Variants in C4orf36 observed in about 807,000 individuals in gnomAD.
C4orf36 encodes the protein uncharacterized protein C4orf36.
A neutral mutation model predicts 12.2 loss-of-function variants in C4orf36; 11 were observed. The ratio of observed to expected loss-of-function variants is 0.90; its 90% CI spans 0.57 to 1.49. The LOEUF (loss-of-function observed/expected upper bound fraction) is 1.49. Among genes scored for constraint, C4orf36 ranks in the 40% most tolerant of loss-of-function variants. C4orf36 has a pLI of 0.00. For missense variants in C4orf36, 137 were observed against 133.9 expected (o/e 1.02, Z -0.11); for synonymous variants, 54 against 51.3 (o/e 1.05, Z -0.22).
In C4orf36 at chr4:86,884,621, G is replaced by A. The variant is rs539690355; in HGVS notation, c.*2+3137C>T. Among the ~76,000 whole-genome samples the A allele has an allele frequency of 1.3e-4, 20 of 152,012 alleles. No homozygotes were observed. In the South Asian group the frequency reaches 4.2e-3, roughly 32 times the overall value. ...ACCCCCAGCCTGACAATTTTTTTTA[G>A]GAGAACAAAAACAAAGTGAGTTCTA... On this transcript the variant is annotated intron_variant, in intron 4 of 4. Transcript: ENST00000295898.
At chr4:86,917,484 AAG>A in the C4orf36 span, among the ~76,000 whole-genome samples, 13 of 141,708 alleles carry the variant, frequency 9.2e-5, no homozygotes, top group Admixed American at 7.4e-4. Context: ...AATAAAGAAA[AAG>A]AAAGGGAGAG....
chr4:86,885,298 A>G (rs1367257574), intron 4 of C4orf36, among the ~76,000 whole-genome samples: 1 of 152,034 alleles, frequency 6.6e-6, no homozygotes, highest in Non-Finnish European at 1.5e-5. Flanking sequence ...CAGTATGGCC[A>G]TTTTCACGAT....
chr4:86,879,332 G>A (rs1283150086), intron 4 of C4orf36, among the ~76,000 whole-genome samples: 1 of 152,130 alleles, frequency 6.6e-6, no homozygotes, highest in Admixed American at 6.5e-5. Context: ...TGTACAAAAT[G>A]AGAATATCAA....
In C4orf36 at chr4:86,892,298, C is replaced by T; in HGVS notation, c.-189G>A. On this transcript the variant is annotated 5_prime_UTR_variant, in exon 1 of 5. Coordinates refer to ENST00000295898, the MANE Select transcript of C4orf36 (RefSeq NM_144645.4). The stretch of plus-strand genomic sequence containing the variant: ...CCTGGTTACCCGGGCTCCAGGGGCT[C>T]GGAGGGTCGCGGCCGGGGTACTGAG... 1.0e-6 allele frequency: 1 copy of T among 985,716 alleles called. No individual in the cohort carries two copies. Among genetic ancestry groups the T allele is most frequent in the Non-Finnish European group, 1.2e-6 (1 of 830,160 alleles). 61.1% of individuals were successfully genotyped at this position (985,716 alleles called of 1,614,324 possible).
chr4:86,891,667 C>A (rs1747422025), intron 1 of C4orf36, 74 bp from the exon 2 acceptor site: 1 of 1,329,244 alleles, frequency 7.5e-7, no homozygotes, highest in Non-Finnish European at 1.0e-6. Flanking sequence ...GAAAAAAATT[C>A]TGAATGTCAG....
chr4:86,918,237 G>T, the C4orf36 span, among the ~76,000 whole-genome samples: 10 of 152,090 alleles, frequency 6.6e-5, no homozygotes, highest in African/African-American at 2.2e-4. Context: ...TATGAATTTT[G>T]GGGGGGACAT....
the C4orf36 span, among the ~76,000 whole-genome samples, chr4:86,901,305 A>G: frequency 1.3e-5 from 2 of 151,758 alleles, no homozygotes; most frequent in Admixed American, 6.6e-5. Flanking sequence ...TCATTCAGAG[A>G]AAACAACCGA....
Position 86,891,535 on chromosome 4 carries a change from G to A in C4orf36, c.-15C>T, listed in dbSNP as rs80106613. 1.2e-3 allele frequency: 1,998 copies of A among 1,613,730 alleles called. 23 individuals carry two copies. The African/African-American group carries it at 0.023, about 19-fold the overall frequency. On this transcript the variant is annotated 5_prime_UTR_variant, in exon 2 of 5. Transcript: ENST00000295898. ...CCATACGCCATGGTGAGTTATTACG[G>A]TATGATTTCGTTACATAGGTGCCTG...
At chr4:86,910,905 G>T in the C4orf36 span, among the ~76,000 whole-genome samples, 1 of 151,078 alleles carries the variant, frequency 6.6e-6, no homozygotes, top group African/African-American at 2.4e-5. Flanking sequence ...CTGTACTAAA[G>T]ATACAAAAAA....
intron 4 of C4orf36, among the ~76,000 whole-genome samples, chr4:86,884,537 C>T (rs1322687321): frequency 6.6e-6 from 1 of 151,830 alleles, no homozygotes; most frequent in Non-Finnish European, 1.5e-5. Context: ...ACTCCTGGGC[C>T]CAAGCGAGTC....
the C4orf36 span, among the ~76,000 whole-genome samples, chr4:86,918,042 T>C: frequency 6.6e-6 from 1 of 152,130 alleles, no homozygotes; most frequent in African/African-American, 2.4e-5. Flanking sequence ...AGATGTCTCT[T>C]CTGGATAGAC....
the C4orf36 span, chr4:86,935,090 C>T: frequency 2.0e-5 from 3 of 152,190 alleles, no homozygotes; most frequent in South Asian, 4.1e-4. Context: ...GCAGCTGCAC[C>T]TTTGCCTCCG....
the C4orf36 span, among the ~76,000 whole-genome samples, chr4:86,923,312 A>T: frequency 1.3e-5 from 2 of 151,818 alleles, no homozygotes; most frequent in African/African-American, 4.8e-5. Context: ...GCTGTTCTTG[A>T]ACACCTGGGC....
chr4:86,913,570 A>G, the C4orf36 span: 2 of 1,167,938 alleles, frequency 1.7e-6, no homozygotes, highest in Non-Finnish European at 2.5e-6. Context: ...AGTCATGGCC[A>G]GCAGCCACCA....
chr4:86,929,707 C>G, the C4orf36 span, among the ~76,000 whole-genome samples: 1 of 152,100 alleles, frequency 6.6e-6, no homozygotes, highest in Non-Finnish European at 1.5e-5. Context: ...TCTTTATATC[C>G]CCAGAACTGA....
At chr4:86,892,528 G>A (rs1339871354), upstream of C4orf36, 23 of 925,720 alleles carry the variant, frequency 2.5e-5, no homozygotes, top group Admixed American at 6.2e-5. Flanking sequence ...CGCGGGGTCC[G>A]CTCTCTGGTA....
At chr4:86,887,685 A>G in intron 4 of C4orf36, 73 bp downstream of exon 4, 3 of 1,580,052 alleles carry the variant, frequency 1.9e-6, no homozygotes, top group East Asian at 2.2e-5. Context: ...TGAACTATAC[A>G]TAGTGAAAGG....
chr4:86,876,541 T>A, intron 4 of C4orf36, 98 bp from the exon 5 acceptor site: 2 of 1,613,958 alleles, frequency 1.2e-6, no homozygotes, highest in Non-Finnish European at 1.7e-6. Flanking sequence ...GTGAAGCTAT[T>A]GTACAGTTTA....
At chr4:86,905,060 A>AC in the C4orf36 span, among the ~76,000 whole-genome samples, 18 of 151,574 alleles carry the variant, frequency 1.2e-4, no homozygotes, top group Admixed American at 3.3e-4. Flanking sequence ...ACATAATGAG[A>AC]CCCCGTCTCT....
Sources: gnomAD v4.1 joint callset for allele counts (sites outside exome capture counted in the v4.1 genomes callset) on GRCh38, gnomAD v4.1.1 for gene constraint, MANE v1.5 for transcripts, NCBI Gene and HGNC (gene_info 2026-07-23, HGNC 2026-07-21) for gene names.